The following TSHZ2 variants were observed in gnomAD, a reference collection of about 807,000 sequenced individuals.
TSHZ2 encodes teashirt zinc finger homeobox 2, also known as teashirt homolog 2.
TSHZ2 carries 21 observed loss-of-function variants against 74.4 expected under a neutral mutation model. The observed-to-expected ratio is 0.28, with a 90% CI of 0.20 to 0.41. TSHZ2 has a LOEUF of 0.41. Ranked by LOEUF, TSHZ2 falls within the 10% of genes least tolerant of loss-of-function variation. The pLI is 1.00. For synonymous variants in TSHZ2, 540 were observed against 515.3 expected, an observed-to-expected ratio of 1.05 and a Z score of -0.65; for missense variants, 1,244 against 1,293.5, an observed-to-expected ratio of 0.96 and a Z score of 0.59.
rs1398598908 is a variant in TSHZ2, at chr20:53,074,947, C to T, written c.40+101614C>T. ...ACCTTGCAGGTCAGTGTTTTTCCCA[C>T]TCAACCACAGATGTTTTATGTCCTC... On this transcript the variant is annotated intron_variant, in intron 1 of 2. Coordinates refer to ENST00000371497, the MANE Select transcript of TSHZ2 (RefSeq NM_173485.6). The surrounding 1 kb of genome is among the most constrained non-coding windows in gnomAD (Gnocchi z 5.9). 6.6e-6 allele frequency among the ~76,000 whole-genome samples: 1 copy of T among 152,236 alleles called. No homozygotes were observed. The highest frequency in any genetic ancestry group is 1.5e-5 in the Non-Finnish European group (1 of 68,038).
chr20:53,262,948 C>T (rs776475492), intron 2 of TSHZ2, among the ~76,000 whole-genome samples: 9 of 152,120 alleles, frequency 5.9e-5, no homozygotes, highest in Non-Finnish European at 7.4e-5. Context: ...TGAGAACATT[C>T]GCCTCCAGAA....
At chr20:53,011,138 C>A (rs1164456947) in intron 1 of TSHZ2, among the ~76,000 whole-genome samples, 2 of 152,128 alleles carry the variant, frequency 1.3e-5, no homozygotes, top group African/African-American at 4.8e-5. Context: ...TCCAGCTTGG[C>A]CTGAATTTTA....
intron 2 of TSHZ2, among the ~76,000 whole-genome samples, chr20:53,319,487 G>C (rs1019826430): frequency 6.6e-6 from 1 of 152,226 alleles, no homozygotes; most frequent in Non-Finnish European, 1.5e-5. Flanking sequence ...TAACCACTAG[G>C]TTGTCCCATC....
chr20:53,049,096 C>G (rs1234938897), intron 1 of TSHZ2, among the ~76,000 whole-genome samples: 1 of 152,054 alleles, frequency 6.6e-6, no homozygotes, highest in Non-Finnish European at 1.5e-5. Context: ...GTAAAATGCC[C>G]AGAAGCCCTT....
chr20:53,055,929 C>T (rs573043395), intron 1 of TSHZ2, among the ~76,000 whole-genome samples: 1 of 152,208 alleles, frequency 6.6e-6, no homozygotes, highest in African/African-American at 2.4e-5. Context: ...ACAGTGTGAC[C>T]TGTGAGTCCC....
In TSHZ2 at chr20:53,255,645, C is replaced by T; in HGVS notation, c.2187C>T (p.Phe729=). ...CAAGTTCAAGCACAATTTCCATGTTCCACAAGTCGAATCTCAATGTCATGG... is the reference window on the plus strand; with the variant it reads ...CAAGTTCAAGCACAATTTCCATGTTTCACAAGTCGAATCTCAATGTCATGG... ...SSPSSSTISM[F]HKSNLNVMDK... Residue 729 remains phenylalanine, a synonymous_variant, in exon 2 of 3, where the codon TTC becomes TTT. Transcript: ENST00000371497. This position sits in a 1 kb window ranked among gnomAD's most constrained non-coding sequence, Gnocchi z 4.1. 1.3e-6 allele frequency: 2 copies of T among 1,574,966 alleles called. No individual in the cohort carries two copies. Among genetic ancestry groups the T allele is most frequent in the Non-Finnish European group, 1.7e-6 (2 of 1,161,412 alleles).
At chr20:53,097,528 A>G (rs1986089484) in intron 1 of TSHZ2, 1 of 152,234 alleles carries the variant, frequency 6.6e-6, no homozygotes, top group Non-Finnish European at 1.5e-5. Context: ...CAGGGGATCC[A>G]TGCAGCAAAT....
chr20:53,261,331 T>C (rs1190499807), intron 2 of TSHZ2, among the ~76,000 whole-genome samples: 1 of 152,228 alleles, frequency 6.6e-6, no homozygotes, highest in Admixed American at 6.5e-5. Context: ...CCTTGTTCTC[T>C]TTCTTTTAAT....
chr20:53,051,336 T>A (rs1256615072), intron 1 of TSHZ2, among the ~76,000 whole-genome samples: 1 of 151,576 alleles, frequency 6.6e-6, no homozygotes, highest in Non-Finnish European at 1.5e-5. Flanking sequence ...CAAGACTGTG[T>A]CTCAAAAAAA....
In TSHZ2 at chr20:52,976,238, G is replaced by A. The variant is rs148477168; in HGVS notation, c.40+2905G>A. Among the ~76,000 whole-genome samples, 631 of 152,326 alleles carry A rather than the reference G, an allele frequency of 4.1e-3. 8 individuals are homozygous for A. Among genetic ancestry groups the A allele is most frequent in the African/African-American group, 0.014 (575 of 41,566 alleles). On this transcript the variant is annotated intron_variant, in intron 1 of 2. Coordinates refer to ENST00000371497, the MANE Select transcript of TSHZ2 (RefSeq NM_173485.6). Reference sequence around the variant, plus strand: ...TTGTTATGTTCCTCCCCCTTCAGGGGGAAGGGATGTGAGGGGACAATTCTC... The same window carrying A: ...TTGTTATGTTCCTCCCCCTTCAGGGAGAAGGGATGTGAGGGGACAATTCTC...
intron 2 of TSHZ2, among the ~76,000 whole-genome samples, chr20:53,478,718 A>C (rs1394440445): frequency 6.6e-6 from 1 of 151,926 alleles, no homozygotes; most frequent in African/African-American, 2.4e-5. Flanking sequence ...AAAAAAAGAA[A>C]GAGCTCGTGG....
intron 1 of TSHZ2, among the ~76,000 whole-genome samples, chr20:53,103,302 T>C (rs746689282): frequency 6.6e-6 from 1 of 152,202 alleles, no homozygotes; most frequent in Non-Finnish European, 1.5e-5. Flanking sequence ...ACTTCTCTCT[T>C]TATTTCTCAA....
chr20:53,134,745 A>G (rs1987198744), intron 1 of TSHZ2, among the ~76,000 whole-genome samples: 2 of 152,064 alleles, frequency 1.3e-5, no homozygotes, highest in African/African-American at 4.8e-5. Context: ...ATTATATGAT[A>G]TTTGCTGCTT....
At chr20:53,285,317 G>C (rs760479006) in intron 2 of TSHZ2, among the ~76,000 whole-genome samples, 1 of 152,102 alleles carries the variant, frequency 6.6e-6, no homozygotes, top group East Asian at 1.9e-4. Flanking sequence ...GGAGAGGATT[G>C]GATTCATTTT....
chr20:53,162,260 C>T (rs7268570), intron 1 of TSHZ2, among the ~76,000 whole-genome samples: 30,377 of 152,114 alleles, frequency 0.2, 3,337 homozygotes, highest in East Asian at 0.42. Context: ...AAGAACTTCA[C>T]GGACACCCAG....
chr20:53,367,735 T>A (rs1023650389), intron 2 of TSHZ2, among the ~76,000 whole-genome samples: 2 of 151,892 alleles, frequency 1.3e-5, no homozygotes, highest in African/African-American at 4.8e-5. Flanking sequence ...CACGCCTTGC[T>A]AAGTTTTTTG....
At chr20:53,221,006 A>G (rs1468737671) in intron 1 of TSHZ2, among the ~76,000 whole-genome samples, 1 of 152,190 alleles carries the variant, frequency 6.6e-6, no homozygotes, top group Non-Finnish European at 1.5e-5. Flanking sequence ...TGAATTTCCC[A>G]TAATTCCCAC....
At chr20:53,033,217 G>A (rs985900207) in intron 1 of TSHZ2, among the ~76,000 whole-genome samples, 9 of 152,166 alleles carry the variant, frequency 5.9e-5, no homozygotes, top group East Asian at 1.9e-4. Flanking sequence ...TCTTGCTATC[G>A]AGAATAGTCC....
chr20:53,353,187 A>G (rs1004518019), intron 2 of TSHZ2, among the ~76,000 whole-genome samples: 7 of 152,300 alleles, frequency 4.6e-5, no homozygotes, highest in Admixed American at 6.5e-5. Context: ...TAAGGTTGGT[A>G]AATCAGGTTG....
Sources: allele counts gnomAD v4.1 joint callset (sites outside exome capture counted in the v4.1 genomes callset), GRCh38; gene constraint gnomAD v4.1.1; non-coding constraint Gnocchi (gnomAD v3.1); transcripts MANE v1.5; gene names NCBI Gene and HGNC (gene_info 2026-07-23, HGNC 2026-07-21).